Variants in TARBP1 observed in about 807,000 individuals in gnomAD.
TARBP1 encodes tRNA (guanosine(18)-2'-O)-methyltransferase TARBP1.
A neutral mutation model predicts 178.6 loss-of-function variants in TARBP1; 144 were observed. That is an observed-to-expected ratio of 0.81 (90% CI 0.70 to 0.93). The LOEUF (loss-of-function observed/expected upper bound fraction) is 0.93. Ranked by LOEUF, TARBP1 falls within the 40% of genes least tolerant of loss-of-function variation. The pLI, the probability that TARBP1 is intolerant of heterozygous loss-of-function variation, is 0.00. For synonymous variants in TARBP1, 787 were observed against 781.0 expected, an observed-to-expected ratio of 1.01 and a Z score of -0.13; for missense variants, 2,067 against 2,011.7, an observed-to-expected ratio of 1.03 and a Z score of -0.53.
At chr1:234,403,687 T>C (rs1416898122) in intron 24 of TARBP1, among the ~76,000 whole-genome samples, 2 of 152,146 alleles carry the variant, frequency 1.3e-5, no homozygotes, top group African/African-American at 4.8e-5. Context: ...CTTATTTATT[T>C]GTTTATTTAT....
At position 234,429,160 on chromosome 1, in the gene TARBP1, G is replaced by A. The variant is rs1664116277; in HGVS notation, c.3036C>T (p.Gly1012=). The change falls in exon 17 of 30, where the codon GGC becomes GGT. Residue 1012 remains glycine, a synonymous_variant. Coordinates refer to ENST00000040877, the MANE Select transcript of TARBP1 (RefSeq NM_005646.4). ...KVLTIAAKIK[G]QAYFKIKEIM... ...CCTCTTTTATTTTGAAATATGCCTGGCCCTTGATTTTGGCAGCAATGGTAA... is the reference window on the plus strand; with the variant it reads ...CCTCTTTTATTTTGAAATATGCCTGACCCTTGATTTTGGCAGCAATGGTAA... 6.3e-7 allele frequency: 1 copy of A among 1,584,148 alleles called. No homozygotes were observed. The highest frequency in any genetic ancestry group is 8.5e-7 in the Non-Finnish European group (1 of 1,172,326).
At position 234,448,718 on chromosome 1, in the gene TARBP1, A is replaced by G. The variant is rs1572352461; in HGVS notation, c.1862-139T>C. 4.4e-6 allele frequency: 3 copies of G among 675,392 alleles called. No individual in the cohort carries two copies. The East Asian group carries it at 8.2e-5, about 18-fold the overall frequency. The allele number at this position is 675,392 out of a possible 1,614,324, so 41.8% of individuals were successfully genotyped here. A position where few individuals can be genotyped will look rare whatever the true frequency, so the allele number is the denominator to read the frequency against. The stretch of plus-strand genomic sequence containing the variant: ...TACAACCGAGATGAACTACAGCAGA[A>G]CACCCTAGAGCATGGCTCATTATTA... On this transcript the variant is annotated intron_variant, in intron 10 of 29. Coordinates refer to ENST00000040877, the MANE Select transcript of TARBP1 (RefSeq NM_005646.4).
intron 25 of TARBP1, among the ~76,000 whole-genome samples, chr1:234,398,809 A>C (rs747308564): frequency 1.3e-5 from 2 of 152,204 alleles, no homozygotes; most frequent in Non-Finnish European, 2.9e-5. Flanking sequence ...GTGTGTAATA[A>C]ACCAGTATGT....
intron 26 of TARBP1, among the ~76,000 whole-genome samples, chr1:234,394,626 G>A (rs1183383054): frequency 2.6e-5 from 4 of 152,230 alleles, no homozygotes; most frequent in African/African-American, 7.2e-5. Flanking sequence ...GAAGGCTCGC[G>A]GGAAGGAAGG....
At chr1:234,467,026 A>AC (rs1307800139) in intron 4 of TARBP1, among the ~76,000 whole-genome samples, 1 of 152,230 alleles carries the variant, frequency 6.6e-6, no homozygotes, top group African/African-American at 2.4e-5. Flanking sequence ...TCTCTGCCTC[A>AC]CGTAGTTCCT....
chr1:234,428,509 C>T (rs16843133), intron 17 of TARBP1, among the ~76,000 whole-genome samples: 22,490 of 151,988 alleles, frequency 0.15, 1,896 homozygotes, highest in Middle Eastern at 0.19. Flanking sequence ...GCTAGATTAC[C>T]TCATTTCCAA....
chr1:234,399,487 A>G (rs1008537292), intron 25 of TARBP1, among the ~76,000 whole-genome samples: 3 of 152,198 alleles, frequency 2.0e-5, no homozygotes, highest in African/African-American at 4.8e-5. Context: ...GCGATTCCTC[A>G]GGGATCTAGA....
chr1:234,419,921 T>C (rs1662895028), intron 21 of TARBP1, among the ~76,000 whole-genome samples: 1 of 152,178 alleles, frequency 6.6e-6, no homozygotes, highest in South Asian at 2.1e-4. Flanking sequence ...CTTCATAAGA[T>C]TGTAAAGAAA....
chr1:234,467,713 A>G, intron 3 of TARBP1, 63 bp from the exon 4 acceptor site: 1 of 1,407,154 alleles, frequency 7.1e-7, no homozygotes, highest in Non-Finnish European at 9.5e-7. Context: ...TCAAGACTAC[A>G]TACTCATAAA....
chr1:234,471,359 A>G, intron 2 of TARBP1, 102 bp from the exon 3 acceptor site: 2 of 751,136 alleles, frequency 2.7e-6, no homozygotes, highest in East Asian at 2.6e-5. Context: ...CTGTTTCTAC[A>G]AAACATATGT....
intron 11 of TARBP1, among the ~76,000 whole-genome samples, 190 bp from the exon 12 acceptor site, chr1:234,447,165 C>G (rs1006270003): frequency 6.6e-6 from 1 of 152,048 alleles, no homozygotes; most frequent in Non-Finnish European, 1.5e-5. Flanking sequence ...AGGGTGGCGA[C>G]TCACTAAAGA....
At chr1:234,433,212 T>C (rs1215507130) in intron 14 of TARBP1, among the ~76,000 whole-genome samples, 198 bp downstream of exon 14, 1 of 152,210 alleles carries the variant, frequency 6.6e-6, no homozygotes, top group Non-Finnish European at 1.5e-5. Flanking sequence ...CACCCCAGCC[T>C]GGGTGACAGA....
chr1:234,471,028 A>G (rs1434204323), intron 3 of TARBP1, among the ~76,000 whole-genome samples, 160 bp downstream of exon 3: 2 of 152,178 alleles, frequency 1.3e-5, no homozygotes, highest in African/African-American at 4.8e-5. Context: ...CTGGAATGGT[A>G]ACAACTGTTA....
intron 8 of TARBP1, 134 bp from the exon 9 acceptor site, chr1:234,457,890 TATC>T: frequency 1.9e-6 from 1 of 539,468 alleles, no homozygotes; most frequent in Non-Finnish European, 3.3e-6. Context: ...AGAAAGCAAA[TATC>T]ATTAGCTAAA....
At position 234,437,393 on chromosome 1, in the gene TARBP1, T is replaced by C. The variant is rs373542945; in HGVS notation, c.2135-21A>G. On this transcript the variant is annotated intron_variant, in intron 12 of 29. Coordinates refer to ENST00000040877, the MANE Select transcript of TARBP1 (RefSeq NM_005646.4). ...CTCATCTGTATGGGGGCAAAAAGCA[T>C]GCAACTAAAATGACAGCAGTTCTTT... is the stretch of plus-strand genomic sequence containing the variant. 3.8e-4 allele frequency: 503 copies of C among 1,319,818 alleles called. 3 individuals carry two copies. In the South Asian group the frequency reaches 6.6e-3, roughly 17 times the overall value. The allele number at this position is 1,319,818 out of a possible 1,614,324, so 81.8% of individuals were successfully genotyped here. A position where few individuals can be genotyped will look rare whatever the true frequency, so the allele number is the denominator to read the frequency against.
At chr1:234,417,082 C>T (rs1204964604) in intron 22 of TARBP1, among the ~76,000 whole-genome samples, 3 of 152,164 alleles carry the variant, frequency 2.0e-5, no homozygotes, top group Admixed American at 2.0e-4. Context: ...ACTACCAATG[C>T]GAAGGCGTGA....
At chr1:234,392,350 A>C in intron 29 of TARBP1, 66 bp downstream of exon 29, 3 of 1,566,384 alleles carry the variant, frequency 1.9e-6, no homozygotes, top group South Asian at 1.2e-5. Context: ...ACAAAAAAAA[A>C]CAAGGTAACA....
At chr1:234,470,002 C>T (rs1413475642) in intron 3 of TARBP1, among the ~76,000 whole-genome samples, 1 of 152,192 alleles carries the variant, frequency 6.6e-6, no homozygotes, top group Non-Finnish European at 1.5e-5. Flanking sequence ...CACGGTGGCT[C>T]ACACCTGTAA....
chr1:234,478,056 C>G (rs1045233812), intron 1 of TARBP1, 117 bp downstream of exon 1: 19 of 1,051,046 alleles, frequency 1.8e-5, no homozygotes, highest in Non-Finnish European at 2.5e-5. Flanking sequence ...GCGGAATAAC[C>G]AAATTCTGCA....
Sources: gnomAD v4.1 joint callset for allele counts (sites outside exome capture counted in the v4.1 genomes callset) on GRCh38, gnomAD v4.1.1 for gene constraint, MANE v1.5 for transcripts, NCBI Gene and HGNC (gene_info 2026-07-23, HGNC 2026-07-21) for gene names.